The following SRRT variants were observed in gnomAD, a reference collection of about 807,000 sequenced individuals.
SRRT encodes the protein serrate, RNA effector molecule, also known as serrate RNA effector molecule homolog.
SRRT carries 32 observed loss-of-function variants against 103.2 expected under a neutral mutation model. That is an observed-to-expected ratio of 0.31 (90% CI 0.23 to 0.42). The LOEUF is 0.42. Ranked by LOEUF, SRRT falls within the 10% of genes least tolerant of loss-of-function variation. The pLI is 1.00. For missense variants in SRRT, 986 were observed against 1,207.5 expected, an observed-to-expected ratio of 0.82 and a Z score of 2.72; for synonymous variants, 525 against 449.0, an observed-to-expected ratio of 1.17 and a Z score of -2.14.
At chr7:100,888,448 C>G (rs180979674) in intron 19 of SRRT, 26 bp from the exon 20 acceptor site, 1 of 1,613,766 alleles carries the variant, frequency 6.2e-7, no homozygotes, top group East Asian at 2.2e-5. Flanking sequence ...GCCCTCAGCT[C>G]TCATCCTGTA....
In SRRT at chr7:100,886,926, C is replaced by T. The variant is rs772033810; in HGVS notation, c.1779C>T (p.Asn593=). ...APPEEPPKEG[N]PAEINVERDE... ...CTGAGGAGCCTCCTAAGGAAGGGAA[C>T]CCGGCAGAGATCAACGTGGAGCGGG... The change falls in exon 14 of 20, where the codon AAC becomes AAT. Residue 593 remains asparagine, a synonymous_variant. Transcript: ENST00000611405. 3.9e-5 allele frequency: 63 copies of T among 1,613,232 alleles called. No individual in the cohort carries two copies. The highest frequency in any genetic ancestry group is 6.7e-5 in the Admixed American group (4 of 59,830).
intron 18 of SRRT, 24 bp from the exon 19 acceptor site, chr7:100,888,233 A>T: frequency 6.2e-7 from 1 of 1,603,986 alleles, no homozygotes; most frequent in Non-Finnish European, 8.5e-7. Context: ...TAGTTTTGCA[A>T]CTCAACACTG....
rs777968910 is a variant in SRRT, at chr7:100,875,728, C to CTTCATCTTGTCCCCGT, written c.122+22_122+37dup. ...GGAATGACAGGTGAGCCGTTTTTAACTTCATCTTGTCCCCGTTTCATGCCG... is the reference window on the plus strand; with the variant it reads ...GGAATGACAGGTGAGCCGTTTTTAACTTCATCTTGTCCCCGTTTCATCTTGTCCCCGTTTCATGCCG... On this transcript the variant is annotated intron_variant, in intron 2 of 19. Coordinates refer to ENST00000611405, the MANE Select transcript of SRRT (RefSeq NM_015908.6). 6.2e-7 allele frequency: 1 copy of CTTCATCTTGTCCCCGT among 1,613,114 alleles called. No homozygotes were observed. Among genetic ancestry groups the CTTCATCTTGTCCCCGT allele is most frequent in the East Asian group, 2.2e-5 (1 of 44,822 alleles).
chr7:100,888,231 C>A (rs1790367269), intron 18 of SRRT, 26 bp from the exon 19 acceptor site: 1 of 1,600,662 alleles, frequency 6.2e-7, no homozygotes, highest in South Asian at 1.1e-5. Context: ...CATAGTTTTG[C>A]AACTCAACAC....
intron 2 of SRRT, 141 bp downstream of exon 2, chr7:100,875,853 T>A: frequency 9.3e-7 from 1 of 1,072,344 alleles, no homozygotes; most frequent in Non-Finnish European, 1.3e-6. Flanking sequence ...TGGTTCAGCC[T>A]ATTTGCTGTT....
At position 100,888,089 on chromosome 7, in the gene SRRT, C is replaced by G. The variant is rs754059476; in HGVS notation, c.2374C>G (p.Pro792Ala). The change falls in exon 18 of 20, where the codon CCC becomes GCC. Residue 792 changes from proline (P) to alanine (A), a missense_variant. By Grantham distance (27) the Pro-to-Ala change is conservative. Around this residue, in one of 6 missense-constraint regions of SRRT, gnomAD observed 178 missense variants for 189.6 expected, o/e 0.94. Coordinates refer to ENST00000611405, the MANE Select transcript of SRRT (RefSeq NM_015908.6). ...AGGACTCCCCTACCCACACCAGACT[C>G]CCCAGGGCCTGATGCCCTATGGTCA... ...TPGLPYPHQT[P>A]QGLMPYGQPR... 2.5e-6 allele frequency: 4 copies of G among 1,608,386 alleles called. No homozygotes were observed. In the Admixed American group the frequency reaches 6.7e-5, roughly 27 times the overall value.
At chr7:100,880,881 G>C in intron 2 of SRRT, 1 of 261,898 alleles carries the variant, frequency 3.8e-6, no homozygotes, top group Non-Finnish European at 7.8e-6. Context: ...CTGAACTCAT[G>C]GAGTTAGACA....
In SRRT at chr7:100,885,018, TGAGGAG is replaced by T. The variant is rs760176627; in HGVS notation, c.1141_1146del (p.Glu381_Glu382del). On this transcript the variant is annotated inframe_deletion, in exon 9 of 20. Transcript: ENST00000611405. This position sits in a 1 kb window ranked among gnomAD's most constrained non-coding sequence, Gnocchi z 4.8. ...AGTCGGAGTCAGAGAGCGGCCAGGC[TGAGGAG>T]GAGAAGGAGGAGGCCGGTAGGGTTT... 1.9e-6 allele frequency: 3 copies of T among 1,613,602 alleles called. No individual in the cohort carries two copies. The highest frequency in any genetic ancestry group is 8.5e-7 in the Non-Finnish European group (1 of 1,179,930).
intron 5 of SRRT, 45 bp from the exon 6 acceptor site, chr7:100,884,025 C>A (rs1231100074): frequency 1.3e-6 from 2 of 1,515,178 alleles, no homozygotes; most frequent in South Asian, 2.6e-5. Flanking sequence ...CTGGCCTTGG[C>A]TTCCAATAAC....
chr7:100,875,353 G>A, intron 1 of SRRT, 25 bp downstream of exon 1: 1 of 1,279,300 alleles, frequency 7.8e-7, no homozygotes, highest in South Asian at 1.7e-5. Flanking sequence ...GAGCCTGGGG[G>A]GCCCCGCTGG....
intron 2 of SRRT, among the ~76,000 whole-genome samples, chr7:100,878,644 T>C (rs1815980193): frequency 6.6e-6 from 1 of 151,442 alleles, no homozygotes; most frequent in South Asian, 2.1e-4. Context: ...AAAATGAATA[T>C]CTACAGTTAA....
intron 2 of SRRT, among the ~76,000 whole-genome samples, chr7:100,878,857 A>T (rs1815998502): frequency 6.6e-6 from 1 of 152,074 alleles, no homozygotes. Flanking sequence ...GTATGCCATC[A>T]CACCCAGCTA....
chr7:100,884,226 G>T lies in SRRT; in HGVS notation c.744G>T (p.Lys248Asn), dbSNP rs1156586240. The part of the protein sequence containing the change: ...LDIDKADAIV[K>N]MLDAAVIKME... ...TAGACAAAGCTGATGCCATTGTCAA[G>T]ATGCTGGATGCAGGTGTGCGGATTT... Residue 248 changes from lysine to asparagine, a missense_variant, in exon 6 of 20, where the codon AAG (lysine) becomes AAT (asparagine). Physicochemically the swap from Lys to Asn is moderately conservative, Grantham distance 94. Coordinates refer to ENST00000611405, the MANE Select transcript of SRRT (RefSeq NM_015908.6). 6.2e-7 allele frequency: 1 copy of T among 1,614,180 alleles called. No homozygotes were observed. Among genetic ancestry groups the T allele is most frequent in the Non-Finnish European group, 8.5e-7 (1 of 1,180,026 alleles).
chr7:100,882,196 G>A lies in SRRT; in HGVS notation c.542G>A (p.Arg181Lys). 1 of 1,614,182 alleles carries A rather than the reference G, an allele frequency of 6.2e-7. No homozygotes were observed. ...RYNDYKLDFRRQQMQDFFLAH... is the reference protein window; with the variant it reads ...RYNDYKLDFRKQQMQDFFLAH... ...AATGACTACAAGCTGGATTTCCGGAGGCAACAGATGCAGGATTTCTTCCTG... is the reference window on the plus strand; with the variant it reads ...AATGACTACAAGCTGGATTTCCGGAAGCAACAGATGCAGGATTTCTTCCTG... Residue 181 changes from arginine to lysine, a missense_variant, in exon 5 of 20, where the codon AGG becomes AAG. Arg to Lys is a conservative substitution (Grantham distance 26, BLOSUM62 2). Transcript: ENST00000611405. The surrounding 1 kb of genome is among the most constrained non-coding windows in gnomAD (Gnocchi z 4.2).
chr7:100,886,624 G>A, intron 13 of SRRT, 171 bp from the exon 14 acceptor site: 1 of 973,476 alleles, frequency 1.0e-6, no homozygotes, highest in Non-Finnish European at 1.5e-6. Flanking sequence ...GTGATCATTT[G>A]TGGCTGGGGT....
chr7:100,875,584 C>G lies in SRRT; in HGVS notation c.-7C>G. 6.2e-7 allele frequency: 1 copy of G among 1,613,922 alleles called. No homozygotes were observed. The highest frequency in any genetic ancestry group is 1.3e-5 in the African/African-American group (1 of 75,066). On this transcript the variant is annotated 5_prime_UTR_variant, in exon 2 of 20. Coordinates refer to ENST00000611405, the MANE Select transcript of SRRT (RefSeq NM_015908.6). The stretch of plus-strand genomic sequence containing the variant: ...TCCCCGGTCCCCAGGCCCCCTCAGA[C>G]CGTGCCATGGGTGACAGTGATGACG...
At position 100,888,109 on chromosome 7, in the gene SRRT, T is replaced by C. The variant is rs139947416; in HGVS notation, c.2394T>C (p.Tyr798=). 24 of 1,610,694 alleles carry C rather than the reference T, an allele frequency of 1.5e-5. No homozygotes were observed. In the African/African-American group the frequency reaches 2.7e-4, roughly 18 times the overall value. Residue 798 remains tyrosine, a synonymous_variant, in exon 18 of 20, where the codon TAT becomes TAC. Transcript: ENST00000611405. ...AGACTCCCCAGGGCCTGATGCCCTA[T>C]GGTCAGCCCCGGCCCCCGATCTTGG... ...PHQTPQGLMP[Y]GQPRPPILGY...
rs781138816 is a variant in SRRT at position 100,885,693 on chromosome 7, T to G, written c.1318-8T>G. Reference sequence around the variant, plus strand: ...GTCACTGTGGGGCTGCTTTTCTGCTTCTTGCAGCTTTGTAAAAGGTACCCA... The same window carrying G: ...GTCACTGTGGGGCTGCTTTTCTGCTGCTTGCAGCTTTGTAAAAGGTACCCA... On this transcript the variant is annotated splice_region_variant and splice_polypyrimidine_tract_variant and intron_variant, in intron 10 of 19. Coordinates refer to ENST00000611405, the MANE Select transcript of SRRT (RefSeq NM_015908.6). The surrounding 1 kb of genome is among the most constrained non-coding windows in gnomAD (Gnocchi z 4.8). The G allele has an allele frequency of 1.2e-6, 2 of 1,606,686 alleles. No homozygotes were observed. The highest frequency in any genetic ancestry group is 1.7e-6 in the Non-Finnish European group (2 of 1,176,084).
At chr7:100,875,815 A>G (rs564169019) in intron 2 of SRRT, 103 bp downstream of exon 2, 108 of 1,446,288 alleles carry the variant, frequency 7.5e-5, no homozygotes, top group Non-Finnish European at 9.8e-5. Flanking sequence ...GGCGAATCCT[A>G]TGAAATGGCT....
Sources: gnomAD v4.1 joint callset for allele counts (sites outside exome capture counted in the v4.1 genomes callset) on GRCh38, gnomAD v4.1.1 for gene constraint, gnomAD v4.1.1 regional missense constraint, Gnocchi (gnomAD v3.1) non-coding constraint, MANE v1.5 for transcripts, NCBI Gene and HGNC (gene_info 2026-07-23, HGNC 2026-07-21) for gene names.